CEP112: variants seen among roughly 807,000 people sequenced by gnomAD.
CEP112 encodes centrosomal protein of 112 kDa.
A neutral mutation model predicts 153.0 loss-of-function variants in CEP112; 127 were observed. That is an observed-to-expected ratio of 0.83 (90% CI 0.72 to 0.96). The LOEUF (loss-of-function observed/expected upper bound fraction) is 0.96, where lower values mean the gene tolerates loss of function less well. CEP112 is among the 40% of genes least tolerant of loss of function. CEP112 has a pLI of 0.00. For synonymous variants in CEP112, 358 were observed against 374.4 expected (o/e 0.96, Z 0.51); for missense variants, 1,089 against 1,101.2 (o/e 0.99, Z 0.16).
chr17:65,893,997 A>G (rs1438649924), intron 20 of CEP112, among the ~76,000 whole-genome samples: 1 of 152,132 alleles, frequency 6.6e-6, no homozygotes, highest in African/African-American at 2.4e-5. Context: ...ACAAATATAC[A>G]AATGAAGACA....
At chr17:65,740,505 C>G (rs1165476938) in intron 23 of CEP112, among the ~76,000 whole-genome samples, 1 of 152,120 alleles carries the variant, frequency 6.6e-6, no homozygotes, top group Admixed American at 6.5e-5. Flanking sequence ...ACTGGTGACC[C>G]TTTAAGTGGG....
chr17:66,182,312 T>C (rs1287087892), intron 2 of CEP112: 5 of 152,240 alleles, frequency 3.3e-5, no homozygotes, highest in South Asian at 2.1e-4. Flanking sequence ...TGTGTATGTA[T>C]AGGAAAAGAC....
chr17:66,031,506 C>G lies in CEP112; in HGVS notation c.1219-1483G>C, dbSNP rs534814266. 1.0e-3 allele frequency among the ~76,000 whole-genome samples: 125 copies of G among 119,248 alleles called. 3 individuals carry two copies. The South Asian group carries it at 0.011, about 10-fold the overall frequency. 78.2% of individuals were successfully genotyped at this position (119,248 alleles called of 152,430 possible). A position where few individuals can be genotyped will look rare whatever the true frequency, so the allele number is the denominator to read the frequency against. ...TTTTTGTTTTTTTTTTTTTTTGAGA[C>G]AGGGTCTCATAGCGCAATCTTGGCT... On this transcript the variant is annotated intron_variant, in intron 12 of 26. Transcript: ENST00000535342.
chr17:65,968,086 T>C (rs1344404643), intron 17 of CEP112, among the ~76,000 whole-genome samples: 1 of 152,192 alleles, frequency 6.6e-6, no homozygotes, highest in African/African-American at 2.4e-5. Context: ...ACAGATGTAG[T>C]ATTATATCAG....
chr17:65,821,518 A>ATATATATATATATAAT (rs1460738224), intron 21 of CEP112, among the ~76,000 whole-genome samples: 2 of 27,548 alleles, frequency 7.3e-5, no homozygotes, highest in African/African-American at 3.1e-4. Context: ...ATATAATTAT[A>ATATATATATATATAAT]TATATATATA....
chr17:66,019,318 AC>A (rs370473917), intron 16 of CEP112, among the ~76,000 whole-genome samples: 60,746 of 151,982 alleles, frequency 0.4, 13,580 homozygotes, highest in East Asian at 0.86. Flanking sequence ...AACAACAACA[AC>A]AACAACAAAA....
intron 21 of CEP112, among the ~76,000 whole-genome samples, chr17:65,821,483 CTT>C (rs567251547): frequency 4.0e-4 from 46 of 113,822 alleles, no homozygotes; most frequent in South Asian, 5.7e-4. Context: ...AATTATTAAA[CTT>C]ATATATATAA....
chr17:66,107,979 C>G (rs1488950616), intron 6 of CEP112, among the ~76,000 whole-genome samples: 1 of 151,948 alleles, frequency 6.6e-6, no homozygotes, highest in Non-Finnish European at 1.5e-5. Flanking sequence ...ATAGAGAACC[C>G]AGAAGTCAAT....
chr17:65,746,467 C>A (rs553758657), intron 22 of CEP112, among the ~76,000 whole-genome samples: 1 of 151,870 alleles, frequency 6.6e-6, no homozygotes, highest in South Asian at 2.1e-4. Context: ...ACAGGTGATA[C>A]GGATATGGAA....
chr17:66,097,515 G>A (rs183454339), intron 6 of CEP112, among the ~76,000 whole-genome samples: 10 of 152,262 alleles, frequency 6.6e-5, no homozygotes, highest in Admixed American at 6.5e-4. Context: ...GAAGAAACAA[G>A]AGGAAAGAAA....
At chr17:65,830,932 C>T (rs1217431968) in intron 21 of CEP112, among the ~76,000 whole-genome samples, 1 of 152,112 alleles carries the variant, frequency 6.6e-6, no homozygotes, top group African/African-American at 2.4e-5. Context: ...TAAATCTTCC[C>T]CAGACCAGAA....
intron 23 of CEP112, among the ~76,000 whole-genome samples, chr17:65,694,575 G>A (rs2048271802): frequency 6.6e-6 from 1 of 152,128 alleles, no homozygotes; most frequent in Non-Finnish European, 1.5e-5. Context: ...ACCTATTAAA[G>A]ATCAGTTAAA....
At chr17:65,916,144 C>A (rs551467869) in intron 19 of CEP112, among the ~76,000 whole-genome samples, 1 of 152,200 alleles carries the variant, frequency 6.6e-6, no homozygotes, top group Admixed American at 6.5e-5. Flanking sequence ...AAAATAATAA[C>A]CATTTATAAA....
intron 4 of CEP112, among the ~76,000 whole-genome samples, chr17:66,170,392 A>G (rs754542579): frequency 4.6e-5 from 7 of 152,184 alleles, no homozygotes; most frequent in Non-Finnish European, 8.8e-5. Context: ...ATGAGATCTA[A>G]GTCTATGGTC....
At chr17:65,969,336 T>G (rs2062542251) in intron 17 of CEP112, among the ~76,000 whole-genome samples, 2 of 152,128 alleles carry the variant, frequency 1.3e-5, no homozygotes, top group South Asian at 4.1e-4. Flanking sequence ...CTCATTTTGT[T>G]AAGATCATTA....
chr17:65,879,977 G>A (rs2059002205), intron 20 of CEP112, among the ~76,000 whole-genome samples: 2 of 151,930 alleles, frequency 1.3e-5, no homozygotes, highest in Admixed American at 6.5e-5. Context: ...ATCATCCAGG[G>A]GAATTTTCCA....
chr17:66,127,413 C>T (rs907559047), intron 6 of CEP112, among the ~76,000 whole-genome samples: 3 of 152,210 alleles, frequency 2.0e-5, no homozygotes, highest in African/African-American at 7.2e-5. Flanking sequence ...ACAGGACTTG[C>T]CTCCAATGGC....
intron 20 of CEP112, among the ~76,000 whole-genome samples, chr17:65,883,532 T>C (rs1255942512): frequency 2.0e-5 from 3 of 152,028 alleles, no homozygotes; most frequent in South Asian, 2.1e-4. Context: ...AGCTAATGTT[T>C]TGTACTTTTT....
chr17:65,971,300 G>A (rs577608513), intron 17 of CEP112, among the ~76,000 whole-genome samples: 4 of 150,480 alleles, frequency 2.7e-5, no homozygotes, highest in Non-Finnish European at 5.9e-5. Flanking sequence ...AAATATGCAC[G>A]TTACATGTGT....
Sources: allele counts gnomAD v4.1 joint callset (sites outside exome capture counted in the v4.1 genomes callset), GRCh38; gene constraint gnomAD v4.1.1; transcripts MANE v1.5; gene names NCBI Gene and HGNC (gene_info 2026-07-23, HGNC 2026-07-21).